The following SPATC1 variants were observed in gnomAD, a reference collection of about 807,000 sequenced individuals.
SPATC1 encodes the protein spermatogenesis and centriole associated 1, also known as speriolin.
SPATC1 carries 35 observed loss-of-function variants against 36.5 expected under a neutral mutation model. That is an observed-to-expected ratio of 0.96 (90% CI 0.73 to 1.27). The LOEUF is 1.27. Ranked by LOEUF, SPATC1 falls within the 50% of genes most tolerant of loss-of-function variation. SPATC1 has a pLI of 0.00. For synonymous variants in SPATC1, 361 were observed against 353.6 expected (o/e 1.02, Z -0.24); for missense variants, 779 against 796.0 (o/e 0.98, Z 0.26).
chr8:144,033,886 G>A (rs1834847240), intron 1 of SPATC1, among the ~76,000 whole-genome samples: 1 of 152,188 alleles, frequency 6.6e-6, no homozygotes, highest in African/African-American at 2.4e-5. Context: ...ATTCAGCACT[G>A]GCAGGCAAAT....
intron 1 of SPATC1, among the ~76,000 whole-genome samples, chr8:144,029,287 G>A (rs1335609820): frequency 1.3e-5 from 2 of 151,204 alleles, no homozygotes; most frequent in African/African-American, 4.9e-5. Context: ...GTTGGTACAG[G>A]GCCAGGCGCG....
Position 144,046,684 on chromosome 8 carries a change from C to T in SPATC1, c.1504C>T (p.Gln502Ter). 1 of 1,612,364 alleles carries T rather than the reference C, an allele frequency of 6.2e-7. No individual in the cohort carries two copies. The change falls in exon 5 of 5, where the codon CAG becomes TAG. Residue 502 changes from glutamine to a stop codon, truncating the protein, a stop_gained. Coordinates refer to ENST00000377470, the MANE Select transcript of SPATC1 (RefSeq NM_198572.3). LOFTEE classifies it high-confidence loss of function. This position sits in a 1 kb window ranked among gnomAD's most constrained non-coding sequence, Gnocchi z 6.6. ...LDEKLCQRLT[Q>*]RYVSVMNRLQ... The stretch of plus-strand genomic sequence containing the variant: ...TGAGAAGCTGTGCCAGAGGCTCACA[C>T]AGCGCTATGTGAGCGTCATGAACAG...
chr8:144,047,087 C>A lies in SPATC1; in HGVS notation c.*131C>A. ...TGGTGCTGCCTCCTCTGGGGTGGCT[C>A]ACCGGGCCCCGGCACCGTGCCCCTT... On this transcript the variant is annotated 3_prime_UTR_variant, in exon 5 of 5. Coordinates refer to ENST00000377470, the MANE Select transcript of SPATC1 (RefSeq NM_198572.3). The surrounding 1 kb of genome is among the most constrained non-coding windows in gnomAD (Gnocchi z 4.1). 8.8e-7 allele frequency: 1 copy of A among 1,132,980 alleles called. No homozygotes were observed. The highest frequency in any genetic ancestry group is 1.2e-6 in the Non-Finnish European group (1 of 817,540). The allele number at this position is 1,132,980 out of a possible 1,614,324, so 70.2% of individuals were successfully genotyped here.
chr8:144,020,263 C>G (rs1187354520), intron 1 of SPATC1, among the ~76,000 whole-genome samples: 1 of 149,628 alleles, frequency 6.7e-6, no homozygotes, highest in Non-Finnish European at 1.5e-5. Flanking sequence ...AAGACCCTCT[C>G]CGCTGAAGAA....
At chr8:144,038,371 T>A (rs1190145688) in intron 1 of SPATC1, among the ~76,000 whole-genome samples, 4 of 148,086 alleles carry the variant, frequency 2.7e-5, no homozygotes, top group African/African-American at 1.0e-4. Context: ...AGGCAGAGGT[T>A]GCAGTGAGCC....
At position 144,043,447 on chromosome 8, in the gene SPATC1, A is replaced by G. The variant is rs1025658585; in HGVS notation, c.1446+2076A>G. 6.6e-5 allele frequency among the ~76,000 whole-genome samples: 10 copies of G among 152,046 alleles called. No homozygotes were observed. In the East Asian group the frequency reaches 1.4e-3, roughly 21 times the overall value. On this transcript the variant is annotated intron_variant, in intron 4 of 4. Coordinates refer to ENST00000377470, the MANE Select transcript of SPATC1 (RefSeq NM_198572.3). ...CAGGCACACACCACCAGGCCCGGCT[A>G]ATTTTTGTATTTTTAGGAGAGACGG...
At position 144,016,091 on chromosome 8, in the gene SPATC1, A is replaced by G. The variant is rs1241795623; in HGVS notation, c.211+3365A>G. Among the ~76,000 whole-genome samples, 1 of 150,436 alleles carries G rather than the reference A, an allele frequency of 6.6e-6. No homozygotes were observed. Among genetic ancestry groups the G allele is most frequent in the African/African-American group, 2.4e-5 (1 of 40,844 alleles). ...AAAAAAAAAAAAAGAAAAAAGAAAG[A>G]AAGAAAGAAAAGAAATTAGCTGGGC... On this transcript the variant is annotated intron_variant, in intron 1 of 4. Transcript: ENST00000377470. This position sits in a 1 kb window ranked among gnomAD's most constrained non-coding sequence, Gnocchi z 4.5.
At chr8:144,023,035 G>A (rs1406945542) in intron 1 of SPATC1, among the ~76,000 whole-genome samples, 3 of 9,912 alleles carry the variant, frequency 3.0e-4, no homozygotes, top group African/African-American at 1.3e-3. Context: ...GAGGAACCTC[G>A]TCCCTCAGGA....
At chr8:144,019,143 G>A (rs1262459109) in intron 1 of SPATC1, among the ~76,000 whole-genome samples, 3 of 152,066 alleles carry the variant, frequency 2.0e-5, no homozygotes, top group Admixed American at 1.3e-4. Context: ...ACCATCTTCG[G>A]GATTTGCAAA....
intron 1 of SPATC1, among the ~76,000 whole-genome samples, chr8:144,018,947 CAGG>C (rs1834447490): frequency 7.1e-6 from 1 of 140,422 alleles, no homozygotes; most frequent in South Asian, 2.2e-4. Flanking sequence ...GAGGCTGAGG[CAGG>C]AGAATGGCAT....
chr8:144,027,741 C>T (rs1834713905), intron 1 of SPATC1, among the ~76,000 whole-genome samples: 1 of 152,100 alleles, frequency 6.6e-6, no homozygotes, highest in Admixed American at 6.6e-5. Context: ...GCCTGTAATC[C>T]CAGAAATTTG....
rs781953028 is a variant in SPATC1 at position 144,046,803 on chromosome 8, G to A, written c.1623G>A (p.Leu541=). 6.2e-7 allele frequency: 1 copy of A among 1,606,844 alleles called. No homozygotes were observed. Among genetic ancestry groups the A allele is most frequent in the East Asian group, 2.2e-5 (1 of 44,882 alleles). The change falls in exon 5 of 5, where the codon CTG becomes CTA. Residue 541 remains leucine (L), a synonymous_variant. Coordinates refer to ENST00000377470, the MANE Select transcript of SPATC1 (RefSeq NM_198572.3). The surrounding 1 kb of genome is among the most constrained non-coding windows in gnomAD (Gnocchi z 6.6). ...GCATCCTGCGAGAGCGCCCGGAGCT[G>A]GCGGCGTCTGAGGGCGGCCCCTACA... is the stretch of plus-strand genomic sequence containing the variant. ...AYGILRERPE[L]AASEGGPYTV... is the part of the protein sequence containing the mutation.
chr8:144,024,512 TCTCCC>T (rs1262730686), intron 1 of SPATC1, among the ~76,000 whole-genome samples: 1 of 112,042 alleles, frequency 8.9e-6, no homozygotes, highest in Non-Finnish European at 1.8e-5. Flanking sequence ...CTTGGGATCC[TCTCCC>T]CTCAAGACCC....
At position 144,016,826 on chromosome 8, in the gene SPATC1, G is replaced by A. The variant is rs569256928; in HGVS notation, c.211+4100G>A. Among the ~76,000 whole-genome samples the A allele has an allele frequency of 7.5e-4, 114 of 152,170 alleles. No homozygotes were observed. Among genetic ancestry groups the A allele is most frequent in the Non-Finnish European group, 1.2e-3 (83 of 67,998 alleles). ...AATTTTGTATTTTGTTAGTAGAGAC[G>A]AGGTTTCTCCATGTTGGTCTCATGT... On this transcript the variant is annotated intron_variant, in intron 1 of 4. Transcript: ENST00000377470. The surrounding 1 kb of genome is among the most constrained non-coding windows in gnomAD (Gnocchi z 4.5).
chr8:144,022,483 A>C (rs1834553848), intron 1 of SPATC1, among the ~76,000 whole-genome samples: 2 of 47,246 alleles, frequency 4.2e-5, no homozygotes, highest in Admixed American at 2.0e-4. Context: ...ACACTCCAGG[A>C]CCTTCCCCCT....
rs1834912818 is a variant in SPATC1 at position 144,037,045 on chromosome 8, T to G, written c.212-2864T>G. ...TTGTACACAGCCTGTTAAGAATGAATTTTGGCCGGGCAGAGGGGCTCCTCA... is the reference window on the plus strand; with the variant it reads ...TTGTACACAGCCTGTTAAGAATGAAGTTTGGCCGGGCAGAGGGGCTCCTCA... On this transcript the variant is annotated intron_variant, in intron 1 of 4. Transcript: ENST00000377470. Among the ~76,000 whole-genome samples, 10 of 149,668 alleles carry G rather than the reference T, an allele frequency of 6.7e-5. No homozygotes were observed. The South Asian group carries it at 2.1e-3, about 32-fold the overall frequency.
At position 144,040,370 on chromosome 8, in the gene SPATC1, G is replaced by A. The variant is rs782042958; in HGVS notation, c.673G>A (p.Glu225Lys). Residue 225 changes from glutamate to lysine, a missense_variant, in exon 2 of 5, where the codon GAG (glutamate) becomes AAG (lysine). Transcript: ENST00000377470. ...CCCCATGAGCAACCTGGTCCTGCCA[G>A]AGGCCCCAAGGCTGCGGCTGGCTGA... is the stretch of plus-strand genomic sequence containing the variant. ...ANPMSNLVLPEAPRLRLAEPL... is the reference protein window; with the variant it reads ...ANPMSNLVLPKAPRLRLAEPL... 3.1e-6 allele frequency: 5 copies of A among 1,612,700 alleles called. No individual in the cohort carries two copies. In the Admixed American group the frequency reaches 6.7e-5, roughly 21 times the overall value.
intron 4 of SPATC1, among the ~76,000 whole-genome samples, chr8:144,043,897 C>T (rs868930368): frequency 6.6e-6 from 1 of 152,138 alleles, no homozygotes; most frequent in African/African-American, 2.4e-5. Context: ...TGAGCACGGG[C>T]ACACGCCTTG....
At chr8:144,042,139 G>A (rs966403073) in intron 4 of SPATC1, 10 of 432,392 alleles carry the variant, frequency 2.3e-5, no homozygotes, top group Non-Finnish European at 3.1e-5. Context: ...CAATTCAAAC[G>A]ATTCTGCTGC....
Sources: gnomAD v4.1 joint callset for allele counts (sites outside exome capture counted in the v4.1 genomes callset) on GRCh38, gnomAD v4.1.1 for gene constraint, Gnocchi (gnomAD v3.1) non-coding constraint, MANE v1.5 for transcripts, NCBI Gene and HGNC (gene_info 2026-07-23, HGNC 2026-07-21) for gene names.